ZNF407: variants seen among roughly 807,000 people sequenced by gnomAD.
The protein encoded by ZNF407 is zinc finger protein 407.
ZNF407 carries 17 observed loss-of-function variants against 131.2 expected under a neutral mutation model. The ratio of observed to expected loss-of-function variants is 0.13; its 90% CI spans 0.09 to 0.19. ZNF407 has a LOEUF of 0.19. Among genes scored for constraint, ZNF407 ranks in the 10% least tolerant of loss-of-function variants. ZNF407 has a pLI of 1.00. For missense variants in ZNF407, 2,681 were observed against 2,830.6 expected (o/e 0.95, Z 1.20); for synonymous variants, 1,156 against 1,062.0 (o/e 1.09, Z -1.72).
At chr18:74,840,962 C>A (rs1477473814) in intron 4 of ZNF407, among the ~76,000 whole-genome samples, 1 of 152,172 alleles carries the variant, frequency 6.6e-6, no homozygotes, top group Non-Finnish European at 1.5e-5. Context: ...GACTCATTTG[C>A]GCAGAGCTCC....
At chr18:74,640,328 T>C (rs1228793041) in intron 2 of ZNF407, among the ~76,000 whole-genome samples, 1 of 152,176 alleles carries the variant, frequency 6.6e-6, no homozygotes, top group African/African-American at 2.4e-5. Flanking sequence ...ATGCTTTTTG[T>C]GTTGAAATAT....
In ZNF407 at chr18:74,634,682, T is replaced by C. The variant is rs569649616; in HGVS notation, c.3663T>C (p.Asn1221=). 8 of 1,614,030 alleles carry C rather than the reference T, an allele frequency of 5.0e-6. No individual in the cohort carries two copies. The East Asian group carries it at 1.6e-4, about 31-fold the overall frequency. Residue 1221 remains asparagine, a synonymous_variant, in exon 2 of 9, where the codon AAT becomes AAC. Coordinates refer to ENST00000299687, the MANE Select transcript of ZNF407 (RefSeq NM_017757.3). ...ETAKKNHEIS[N]DAGELRVHCE... ...CAAAGAAAAACCATGAGATATCGAATGATGCAGGTGAGCTGCGTGTCCATT... is the reference window on the plus strand; with the variant it reads ...CAAAGAAAAACCATGAGATATCGAACGATGCAGGTGAGCTGCGTGTCCATT...
At chr18:74,639,711 T>C (rs1297982741) in intron 2 of ZNF407, among the ~76,000 whole-genome samples, 2 of 152,212 alleles carry the variant, frequency 1.3e-5, no homozygotes, top group African/African-American at 2.4e-5. Context: ...CTGTGAAATA[T>C]TCAACCTTGT....
intron 3 of ZNF407, among the ~76,000 whole-genome samples, chr18:74,741,769 C>T (rs1035225487): frequency 6.6e-6 from 1 of 152,114 alleles, no homozygotes; most frequent in African/African-American, 2.4e-5. Flanking sequence ...GGCATGAAAA[C>T]CGCCCCTCAG....
At chr18:74,702,167 A>G (rs556314137) in intron 3 of ZNF407, among the ~76,000 whole-genome samples, 5 of 152,314 alleles carry the variant, frequency 3.3e-5, no homozygotes, top group Admixed American at 1.3e-4. Context: ...ATAATATTAC[A>G]TTGCCTTTTC....
intron 7 of ZNF407, among the ~76,000 whole-genome samples, chr18:74,890,706 A>T (rs546985374): frequency 6.6e-6 from 1 of 152,312 alleles, no homozygotes; most frequent in South Asian, 2.1e-4. Flanking sequence ...ATAGCATAAA[A>T]AGTGACTCAG....
Position 74,968,583 on chromosome 18 carries a change from G to A in ZNF407, c.5428+47891G>A, listed in dbSNP as rs189788793. Among the ~76,000 whole-genome samples, 597 of 152,204 alleles carry A rather than the reference G, an allele frequency of 3.9e-3. 5 individuals are homozygous for A. Among genetic ancestry groups the A allele is most frequent in the Non-Finnish European group, 4.4e-3 (299 of 67,994 alleles). On this transcript the variant is annotated intron_variant, in intron 8 of 8. Transcript: ENST00000299687. Reference sequence around the variant, plus strand: ...TTGCCAGACAGGACTCACAGTTAACGGTTCTTTTCTCTTAGCAGGTGCCTC... The same window carrying A: ...TTGCCAGACAGGACTCACAGTTAACAGTTCTTTTCTCTTAGCAGGTGCCTC...
chr18:74,663,540 G>A (rs1040904919), intron 3 of ZNF407, among the ~76,000 whole-genome samples: 5 of 152,084 alleles, frequency 3.3e-5, no homozygotes, highest in African/African-American at 7.2e-5. Flanking sequence ...CGCAGGTCCC[G>A]GCTCGACACC....
At chr18:74,910,324 C>T (rs1383564080) in intron 7 of ZNF407, among the ~76,000 whole-genome samples, 1 of 152,086 alleles carries the variant, frequency 6.6e-6, no homozygotes, top group Non-Finnish European at 1.5e-5. Context: ...TGTATATATT[C>T]AAATCAACAA....
intron 1 of ZNF407, among the ~76,000 whole-genome samples, chr18:74,602,190 A>G (rs1982614098): frequency 6.6e-6 from 1 of 152,312 alleles, no homozygotes; most frequent in African/African-American, 2.4e-5. Context: ...TAGCCTTGCA[A>G]GAAGTTGATG....
intron 4 of ZNF407, among the ~76,000 whole-genome samples, chr18:74,857,324 A>G (rs1201803437): frequency 6.6e-6 from 1 of 152,192 alleles, no homozygotes; most frequent in African/African-American, 2.4e-5. Context: ...CTTCTGGACT[A>G]TGTTTAATAG....
intron 8 of ZNF407, among the ~76,000 whole-genome samples, chr18:74,966,230 TTTTTG>T (rs1369242185): frequency 1.3e-5 from 2 of 152,196 alleles, no homozygotes; most frequent in Non-Finnish European, 2.9e-5. Flanking sequence ...TCGCAAGAAA[TTTTTG>T]CCCAGACCAG....
intron 3 of ZNF407, among the ~76,000 whole-genome samples, chr18:74,723,504 C>T (rs1238641011): frequency 1.3e-5 from 2 of 152,206 alleles, no homozygotes; most frequent in Non-Finnish European, 2.9e-5. Flanking sequence ...AAGTCAGCTG[C>T]TTGTATCTCA....
Position 75,064,679 on chromosome 18 carries a change from G to C in ZNF407, c.*211G>C. 1 of 480,852 alleles carries C rather than the reference G, an allele frequency of 2.1e-6. No individual in the cohort carries two copies. Among genetic ancestry groups the C allele is most frequent in the Non-Finnish European group, 3.6e-6 (1 of 279,624 alleles). The allele number at this position is 480,852 out of a possible 1,614,324, so 29.8% of individuals were successfully genotyped here. On this transcript the variant is annotated 3_prime_UTR_variant, in exon 9 of 9. Transcript: ENST00000299687. Reference sequence around the variant, plus strand: ...TGGGCTGGGCCTCGGGGAGCAGGCTGCCAAGTGCAGGGGAGGGCCGGGCGC... The same window carrying C: ...TGGGCTGGGCCTCGGGGAGCAGGCTCCCAAGTGCAGGGGAGGGCCGGGCGC...
At chr18:74,735,813 C>T (rs764548583) in intron 3 of ZNF407, among the ~76,000 whole-genome samples, 1 of 152,148 alleles carries the variant, frequency 6.6e-6, no homozygotes, top group South Asian at 2.1e-4. Flanking sequence ...TATTTATCTT[C>T]GTATTTCCTC....
Position 74,633,286 on chromosome 18 carries a change from G to A in ZNF407, c.2267G>A (p.Ser756Asn), listed in dbSNP as rs1461249107. 5.0e-6 allele frequency: 8 copies of A among 1,612,336 alleles called. No homozygotes were observed. Among genetic ancestry groups the A allele is most frequent in the Non-Finnish European group, 6.8e-6 (8 of 1,179,572 alleles). Residue 756 changes from serine to asparagine, a missense_variant, in exon 2 of 9, where the codon AGC (serine) becomes AAC (asparagine). Physicochemically the swap from Ser to Asn is conservative, Grantham distance 46 (BLOSUM62 1). Coordinates refer to ENST00000299687, the MANE Select transcript of ZNF407 (RefSeq NM_017757.3). ...KEGMEKHIKRSKHLENAKKNN... is the reference protein window; with the variant it reads ...KEGMEKHIKRNKHLENAKKNN... ...GGAATGGAGAAACACATTAAAAGAA[G>A]CAAGCATCTTGAAAATGCTAAGAAA...
intron 8 of ZNF407, among the ~76,000 whole-genome samples, chr18:74,995,653 A>G (rs1003366958): frequency 2.6e-5 from 4 of 152,060 alleles, no homozygotes; most frequent in Non-Finnish European, 5.9e-5. Flanking sequence ...TAATGAAATC[A>G]TTTGGAAGAG....
chr18:75,032,891 T>G, intron 8 of ZNF407, among the ~76,000 whole-genome samples: 1 of 116,956 alleles, frequency 8.6e-6, no homozygotes, highest in African/African-American at 3.5e-5. Flanking sequence ...GTGCTCAGAA[T>G]GGGGGGAAGA....
At chr18:74,815,658 C>A (rs1242322935) in intron 4 of ZNF407, among the ~76,000 whole-genome samples, 2 of 152,174 alleles carry the variant, frequency 1.3e-5, no homozygotes, top group East Asian at 3.9e-4. Context: ...TTGTTCTTTA[C>A]AGAAAAGCTT....
Sources: gnomAD v4.1 joint callset for allele counts (sites outside exome capture counted in the v4.1 genomes callset) on GRCh38, gnomAD v4.1.1 for gene constraint, MANE v1.5 for transcripts, NCBI Gene and HGNC (gene_info 2026-07-23, HGNC 2026-07-21) for gene names.